TNNT3: variants seen among roughly 807,000 people sequenced by gnomAD.
TNNT3 encodes the protein troponin T3, fast skeletal type, also known as troponin T, fast skeletal muscle.
A neutral mutation model predicts 54.2 loss-of-function variants in TNNT3; 36 were observed. That is an observed-to-expected ratio of 0.66 (90% CI 0.51 to 0.88). The LOEUF (loss-of-function observed/expected upper bound fraction) is 0.88. Among genes scored for constraint, TNNT3 ranks in the 40% least tolerant of loss-of-function variants. The probability of loss-of-function intolerance (pLI) is 0.00; values close to 1 mark genes in which losing one functional copy is unlikely to be tolerated. For synonymous variants in TNNT3, 120 were observed against 109.7 expected (o/e 1.09, Z -0.59); for missense variants, 291 against 331.6 (o/e 0.88, Z 0.95).
Position 1,934,813 on chromosome 11 carries a change from A to G in TNNT3, c.591-16A>G. On this transcript the variant is annotated splice_polypyrimidine_tract_variant and intron_variant, in intron 13 of 15. Coordinates refer to ENST00000278317, the MANE Select transcript of TNNT3 (RefSeq NM_006757.4). ...GGGGCTTATTCAACGAAGCCTCACC[A>G]CTTCCTCTGCCCCAGGGACAAGGCC... 1 of 1,612,506 alleles carries G rather than the reference A, an allele frequency of 6.2e-7. No individual in the cohort carries two copies. Among genetic ancestry groups the G allele is most frequent in the Non-Finnish European group, 8.5e-7 (1 of 1,179,426 alleles).
At chr11:1,937,398 C>T (rs1855441795) in intron 15 of TNNT3, among the ~76,000 whole-genome samples, 1 of 152,188 alleles carries the variant, frequency 6.6e-6, no homozygotes, top group African/African-American at 2.4e-5. Context: ...CCAAGGGGAC[C>T]TAGGACAGGG....
rs1564805347 is a variant in TNNT3 at position 1,926,066 on chromosome 11, C to T, written c.68-629C>T. 2.6e-5 allele frequency among the ~76,000 whole-genome samples: 4 copies of T among 152,292 alleles called. No homozygotes were observed. The South Asian group carries it at 8.3e-4, about 32-fold the overall frequency. ...TTGTGGGCCCTTGGTGCCACCCGGC[C>T]AGGCTACAACCTCGCACGTGGGCCT... On this transcript the variant is annotated intron_variant, in intron 5 of 15. Coordinates refer to ENST00000278317, the MANE Select transcript of TNNT3 (RefSeq NM_006757.4).
chr11:1,935,095 G>T (rs561240135), intron 14 of TNNT3, 176 bp downstream of exon 14: 33 of 700,470 alleles, frequency 4.7e-5, no homozygotes, highest in South Asian at 4.3e-4. Flanking sequence ...TCCTGCTGGG[G>T]ACTGTGGCCA....
chr11:1,923,506 G>A (rs769459985), intron 3 of TNNT3, 49 bp from the exon 4 acceptor site: 19 of 1,608,350 alleles, frequency 1.2e-5, no homozygotes, highest in Admixed American at 5.0e-5. Context: ...CTCCCTTCAC[G>A]GGCTGCCCCT....
chr11:1,933,682 G>A (rs1250752791), intron 9 of TNNT3, 39 bp from the exon 10 acceptor site: 2 of 1,537,986 alleles, frequency 1.3e-6, no homozygotes, highest in African/African-American at 1.4e-5. Context: ...AGAGGTTGGA[G>A]AGAGGGGTGG....
rs1854114970 is a variant in TNNT3, at chr11:1,933,760, C to A, written c.211C>A (p.Leu71Ile). Residue 71 changes from leucine to isoleucine, a missense_variant, in exon 10 of 16, where the codon CTC (leucine) becomes ATC (isoleucine). Transcript: ENST00000278317. ...GCGTCAGAACAAAGACCTAATGGAGCTCCAGGCCCTCATCGACAGCCACTT... is the reference window on the plus strand; with the variant it reads ...GCGTCAGAACAAAGACCTAATGGAGATCCAGGCCCTCATCGACAGCCACTT... Reference protein sequence around the residue: ...KKRQNKDLMELQALIDSHFEA... With the variant: ...KKRQNKDLMEIQALIDSHFEA... 1.9e-6 allele frequency: 3 copies of A among 1,612,996 alleles called. No homozygotes were observed. The East Asian group carries it at 6.7e-5, about 36-fold the overall frequency.
At chr11:1,920,511 G>A (rs1849863767) in intron 1 of TNNT3, among the ~76,000 whole-genome samples, 1 of 115,704 alleles carries the variant, frequency 8.6e-6, no homozygotes, top group Non-Finnish European at 1.6e-5. Context: ...CCCCTGACTT[G>A]TGCCGTCTGA....
chr11:1,931,426 C>T (rs1853311171), intron 8 of TNNT3, among the ~76,000 whole-genome samples: 1 of 152,242 alleles, frequency 6.6e-6, no homozygotes, highest in African/African-American at 2.4e-5. Flanking sequence ...TGTCCCACAC[C>T]CTCCTCACCC....
At chr11:1,929,406 T>C (rs1380540223) in intron 7 of TNNT3, among the ~76,000 whole-genome samples, 1 of 152,154 alleles carries the variant, frequency 6.6e-6, no homozygotes, top group Non-Finnish European at 1.5e-5. Flanking sequence ...CAGCCAGCAG[T>C]GCCAGAGCCC....
At position 1,925,156 on chromosome 11, in the gene TNNT3, C is replaced by T. The variant is rs180727559; in HGVS notation, c.67+40C>T. On this transcript the variant is annotated intron_variant, in intron 5 of 15. Coordinates refer to ENST00000278317, the MANE Select transcript of TNNT3 (RefSeq NM_006757.4). ...AGGCCCCGGCCCCCATGCCCACTCC[C>T]CAGCCTTCCCGCCCCACCCAAAGTT... The T allele has an allele frequency of 1.6e-3, 2,563 of 1,607,800 alleles. 39 individuals are homozygous for T. The African/African-American group carries it at 0.03, about 19-fold the overall frequency.
chr11:1,926,528 G>A, intron 5 of TNNT3, 167 bp from the exon 6 acceptor site: 2 of 1,612,872 alleles, frequency 1.2e-6, no homozygotes, highest in Middle Eastern at 1.6e-4. Context: ...GGCCATGTGG[G>A]GGGTGCAGGA....
At chr11:1,934,218 GC>G in intron 11 of TNNT3, 113 bp from the exon 12 acceptor site, 1 of 1,128,728 alleles carries the variant, frequency 8.9e-7, no homozygotes, top group Non-Finnish European at 1.3e-6. Flanking sequence ...ATAGTTCTAA[GC>G]CCAGGGTGGG....
At chr11:1,920,164 T>A (rs1195773616) in intron 1 of TNNT3, among the ~76,000 whole-genome samples, 2 of 152,100 alleles carry the variant, frequency 1.3e-5, no homozygotes, top group African/African-American at 4.8e-5. Flanking sequence ...CAGCTTGTGG[T>A]CGCCATGCAG....
intron 5 of TNNT3, among the ~76,000 whole-genome samples, chr11:1,925,708 G>A (rs1461528645): frequency 2.0e-5 from 3 of 152,078 alleles, no homozygotes; most frequent in Non-Finnish European, 2.9e-5. Context: ...GAGAGAAGGC[G>A]GCTGGGGGCA....
intron 15 of TNNT3, among the ~76,000 whole-genome samples, chr11:1,937,985 A>G (rs7116122): frequency 0.066 from 10,062 of 151,940 alleles, 876 homozygotes; most frequent in African/African-American, 0.2. Context: ...ACCCGCCTTC[A>G]CCCCTCACCC....
chr11:1,925,331 C>A (rs1019583331), intron 5 of TNNT3: 29 of 1,546,990 alleles, frequency 1.9e-5, no homozygotes, highest in Non-Finnish European at 2.4e-5. Context: ...CTGGCTGGAG[C>A]CCATGTGGGG....
At chr11:1,926,623 C>T (rs1209816482) in intron 5 of TNNT3, 72 bp from the exon 6 acceptor site, 1 of 1,611,318 alleles carries the variant, frequency 6.2e-7, no homozygotes, top group Non-Finnish European at 8.5e-7. Flanking sequence ...GCCCTCCTCT[C>T]TGCGCTGCCA....
chr11:1,938,246 C>T (rs966288102), intron 15 of TNNT3, 192 bp from the exon 16 acceptor site: 33 of 660,492 alleles, frequency 5.0e-5, no homozygotes, highest in South Asian at 2.7e-4. Context: ...ACCACACTAA[C>T]GACCTAGGCC....
intron 14 of TNNT3, chr11:1,936,288 T>C: frequency 1.9e-6 from 3 of 1,611,490 alleles, no homozygotes; most frequent in Non-Finnish European, 2.5e-6. Flanking sequence ...GCCAGGCCCG[T>C]GGGTGTGCGT....
Sources: allele counts gnomAD v4.1 joint callset (sites outside exome capture counted in the v4.1 genomes callset), GRCh38; gene constraint gnomAD v4.1.1; transcripts MANE v1.5; gene names NCBI Gene and HGNC (gene_info 2026-07-23, HGNC 2026-07-21).